The following FER variants were observed in gnomAD, a reference collection of about 807,000 sequenced individuals.
FER encodes the protein tyrosine-protein kinase Fer.
FER carries 63 observed loss-of-function variants against 111.0 expected under a neutral mutation model. That is an observed-to-expected ratio of 0.57 (90% CI 0.46 to 0.70). FER has a LOEUF of 0.70. Ranked by LOEUF, FER falls within the 30% of genes least tolerant of loss-of-function variation. The probability of loss-of-function intolerance (pLI) is 0.00; values close to 1 mark genes in which losing one functional copy is unlikely to be tolerated. For missense variants in FER, 914 were observed against 954.0 expected, an observed-to-expected ratio of 0.96 and a Z score of 0.55; for synonymous variants, 327 against 313.9, an observed-to-expected ratio of 1.04 and a Z score of -0.44.
At chr5:108,836,523 G>A (rs1021937595) in intron 5 of FER, among the ~76,000 whole-genome samples, 2 of 152,012 alleles carry the variant, frequency 1.3e-5, no homozygotes, top group Non-Finnish European at 2.9e-5. Context: ...AAAGTTGGAG[G>A]ATTTTTCTTT....
chr5:109,057,746 C>T (rs1475481413), intron 16 of FER, among the ~76,000 whole-genome samples: 2 of 152,160 alleles, frequency 1.3e-5, no homozygotes, highest in Non-Finnish European at 2.9e-5. Flanking sequence ...ATAACCATTC[C>T]TCAAAGAAAA....
intron 3 of FER, among the ~76,000 whole-genome samples, chr5:108,811,962 G>A (rs1181499024): frequency 2.0e-5 from 3 of 152,118 alleles, no homozygotes; most frequent in African/African-American, 7.2e-5. Flanking sequence ...TCATTCAAAT[G>A]CTAATCTCTT....
chr5:109,128,064 G>A (rs1454005109), intron 17 of FER, among the ~76,000 whole-genome samples: 3 of 152,018 alleles, frequency 2.0e-5, no homozygotes, highest in African/African-American at 7.2e-5. Context: ...TTGATTTAGC[G>A]TTTAAATTGA....
chr5:109,108,971 A>T (rs1749280098), intron 17 of FER, among the ~76,000 whole-genome samples: 1 of 152,156 alleles, frequency 6.6e-6, no homozygotes, highest in African/African-American at 2.4e-5. Context: ...ATACAAAAGC[A>T]CTACAAGAAA....
chr5:109,187,627 A>G lies in FER; in HGVS notation c.*52A>G. On this transcript the variant is annotated 3_prime_UTR_variant, in exon 20 of 20. Transcript: ENST00000281092. Reference sequence around the variant, plus strand: ...TCAGGACTCTGTCCTCCAGCAGAGTAACATTATTGTTCTCATTAACAATGA... The same window carrying G: ...TCAGGACTCTGTCCTCCAGCAGAGTGACATTATTGTTCTCATTAACAATGA... 6.3e-7 allele frequency: 1 copy of G among 1,594,662 alleles called. No individual in the cohort carries two copies. The highest frequency in any genetic ancestry group is 8.6e-7 in the Non-Finnish European group (1 of 1,165,690).
chr5:108,753,704 A>G (rs1750754019), intron 1 of FER, among the ~76,000 whole-genome samples: 1 of 152,158 alleles, frequency 6.6e-6, no homozygotes, highest in South Asian at 2.1e-4. Context: ...ACGTATGATT[A>G]TTTTTTAAGG....
chr5:108,826,155 C>T (rs1006561179), intron 3 of FER, among the ~76,000 whole-genome samples: 1 of 152,050 alleles, frequency 6.6e-6, no homozygotes, highest in South Asian at 2.1e-4. Flanking sequence ...GAATTTTGCC[C>T]AATACTCTTT....
chr5:109,019,036 CA>C (rs1343721501), intron 13 of FER, among the ~76,000 whole-genome samples: 1 of 151,084 alleles, frequency 6.6e-6, no homozygotes, highest in East Asian at 2.0e-4. Context: ...CCTAATAATT[CA>C]AAAGATACAA....
intron 3 of FER, among the ~76,000 whole-genome samples, chr5:108,825,144 G>A (rs968636286): frequency 2.0e-5 from 3 of 152,172 alleles, no homozygotes; most frequent in African/African-American, 7.2e-5. Context: ...GGGCACCACC[G>A]TCATTGATAA....
intron 3 of FER, among the ~76,000 whole-genome samples, chr5:108,822,709 ATTTATTTTATTTTATTTTAT>A (rs570033160): frequency 1.6e-4 from 19 of 121,534 alleles, no homozygotes; most frequent in East Asian, 4.6e-4. Flanking sequence ...ATTTTATTTT[ATTTATTTTATTTTATTTTAT>A]TTTATTTTAT....
chr5:108,775,236 G>C (rs1390649221), intron 2 of FER, among the ~76,000 whole-genome samples: 1 of 152,128 alleles, frequency 6.6e-6, no homozygotes, highest in African/African-American at 2.4e-5. Context: ...TCCCTGTTCT[G>C]TTCCATTTGT....
At chr5:108,810,134 G>A (rs1757597010) in intron 3 of FER, among the ~76,000 whole-genome samples, 1 of 151,806 alleles carries the variant, frequency 6.6e-6, no homozygotes, top group Non-Finnish European at 1.5e-5. Context: ...TCCTTCCTAG[G>A]TAGTATGTCT....
intron 17 of FER, among the ~76,000 whole-genome samples, chr5:109,121,553 C>G (rs1750977238): frequency 6.6e-6 from 1 of 151,932 alleles, no homozygotes; most frequent in East Asian, 1.9e-4. Flanking sequence ...CTGTAGTTTT[C>G]TTTTTTTGAT....
At chr5:109,174,626 C>T (rs1453970308) in intron 17 of FER, among the ~76,000 whole-genome samples, 1 of 152,130 alleles carries the variant, frequency 6.6e-6, no homozygotes, top group Non-Finnish European at 1.5e-5. Context: ...CCGTTGGTGA[C>T]ATTTGGCTGC....
chr5:108,949,765 T>C (rs1426461686), intron 11 of FER, among the ~76,000 whole-genome samples: 3 of 152,154 alleles, frequency 2.0e-5, no homozygotes, highest in Admixed American at 1.3e-4. Context: ...ATTTTAGCAT[T>C]GAATATAGTT....
intron 5 of FER, among the ~76,000 whole-genome samples, chr5:108,850,637 C>A (rs2094289034): frequency 6.6e-6 from 1 of 151,922 alleles, no homozygotes; most frequent in South Asian, 2.1e-4. Context: ...TTAAGATTTA[C>A]TTTTTATTTT....
chr5:109,178,460 G>T (rs1345497003), intron 17 of FER, among the ~76,000 whole-genome samples: 2 of 152,158 alleles, frequency 1.3e-5, no homozygotes, highest in Non-Finnish European at 2.9e-5. Context: ...ATATTACTCT[G>T]AAGAAAGTAC....
intron 17 of FER, among the ~76,000 whole-genome samples, chr5:109,176,922 A>G (rs1441354563): frequency 1.3e-5 from 2 of 152,202 alleles, no homozygotes; most frequent in Non-Finnish European, 2.9e-5. Context: ...AGAACAAGAA[A>G]TGTACAATTA....
chr5:108,751,084 C>T (rs1400770267), intron 1 of FER, among the ~76,000 whole-genome samples: 4 of 152,088 alleles, frequency 2.6e-5, no homozygotes, highest in South Asian at 4.2e-4. Context: ...CCCAGCTACT[C>T]GGGAGGCTGA....
Sources: gnomAD v4.1 joint callset for allele counts (sites outside exome capture counted in the v4.1 genomes callset) on GRCh38, gnomAD v4.1.1 for gene constraint, MANE v1.5 for transcripts, NCBI Gene and HGNC (gene_info 2026-07-23, HGNC 2026-07-21) for gene names.